Variants in GABBR2 observed in about 807,000 individuals in gnomAD.
GABBR2 encodes the protein gamma-aminobutyric acid type B receptor subunit 2.
A neutral mutation model predicts 105.6 loss-of-function variants in GABBR2; 23 were observed. The observed-to-expected ratio is 0.22, with a 90% CI of 0.16 to 0.31. GABBR2 has a LOEUF of 0.31. Ranked by LOEUF, GABBR2 falls within the 10% of genes least tolerant of loss-of-function variation. The pLI, the probability that GABBR2 is intolerant of heterozygous loss-of-function variation, is 1.00. For missense variants in GABBR2, 734 were observed against 1,245.5 expected (o/e 0.59, Z 6.18); for synonymous variants, 478 against 499.7 (o/e 0.96, Z 0.58).
intron 1 of GABBR2, among the ~76,000 whole-genome samples, chr9:98,642,652 T>C (rs1204434392): frequency 6.6e-6 from 1 of 152,238 alleles, no homozygotes; most frequent in African/African-American, 2.4e-5. Flanking sequence ...CATATTATTT[T>C]AGCACATCTT....
At chr9:98,631,971 C>T (rs1257406597) in intron 1 of GABBR2, among the ~76,000 whole-genome samples, 1 of 152,176 alleles carries the variant, frequency 6.6e-6, no homozygotes, top group African/African-American at 2.4e-5. Flanking sequence ...CTGAATTAGC[C>T]TGGACAAGAG....
intron 1 of GABBR2, among the ~76,000 whole-genome samples, chr9:98,650,139 AT>A (rs1365464514): frequency 1.3e-5 from 2 of 152,074 alleles, no homozygotes; most frequent in Non-Finnish European, 2.9e-5. Flanking sequence ...TTTTTAAAAA[AT>A]TTTTCATGTG....
At chr9:98,412,070 T>C (rs915468799) in intron 7 of GABBR2, among the ~76,000 whole-genome samples, 107 of 152,258 alleles carry the variant, frequency 7.0e-4, no homozygotes, top group Admixed American at 2.0e-3. Flanking sequence ...ATGAGTCTTA[T>C]AGGTTAAGCC....
intron 1 of GABBR2, among the ~76,000 whole-genome samples, chr9:98,593,352 C>T (rs964419626): frequency 1.3e-5 from 2 of 152,142 alleles, no homozygotes; most frequent in Non-Finnish European, 2.9e-5. Context: ...CCCTGGCAGC[C>T]ACTTGAAGGT....
chr9:98,512,169 T>C lies in GABBR2; in HGVS notation c.631-15655A>G, dbSNP rs1324707220. Among the ~76,000 whole-genome samples, 3 of 145,936 alleles carry C rather than the reference T, an allele frequency of 2.1e-5. No homozygotes were observed. The South Asian group carries it at 7.0e-4, about 34-fold the overall frequency. ...CAAAGACAAAAACCACATGATTATC[T>C]CAATAGATGCAGAAAAGGCCTTTGA... On this transcript the variant is annotated intron_variant, in intron 3 of 18. Transcript: ENST00000259455.
chr9:98,542,239 G>T (rs545725425), intron 2 of GABBR2, among the ~76,000 whole-genome samples, 196 bp from the exon 3 acceptor site: 2 of 152,166 alleles, frequency 1.3e-5, no homozygotes, highest in East Asian at 1.9e-4. Flanking sequence ...AAAATAAGGA[G>T]GAAGAAGGGA....
chr9:98,597,775 G>A (rs1397264709), intron 1 of GABBR2, among the ~76,000 whole-genome samples: 1 of 152,190 alleles, frequency 6.6e-6, no homozygotes, highest in Non-Finnish European at 1.5e-5. Context: ...ATTGGGAAGA[G>A]CAGGGAAGAG....
chr9:98,558,130 GA>G (rs201832262), intron 2 of GABBR2, among the ~76,000 whole-genome samples: 1 of 150,394 alleles, frequency 6.6e-6, no homozygotes, highest in Admixed American at 6.6e-5. Flanking sequence ...CAGCTACATA[GA>G]AAAAAAAACA....
In GABBR2 at chr9:98,349,344, G is replaced by GTTTT. The variant is rs1564026872; in HGVS notation, c.1893+13367_1893+13370dup. 4.2e-3 allele frequency among the ~76,000 whole-genome samples: 445 copies of GTTTT among 105,458 alleles called. 79 individuals are homozygous for GTTTT. Among genetic ancestry groups the GTTTT allele is most frequent in the Middle Eastern group, 0.011 (2 of 188 alleles). The allele number at this position is 105,458 out of a possible 152,430, so 69.2% of individuals were successfully genotyped here. ...TTTGGTTTGCCAATATTTTGTTGAA[G>GTTTT]TTTTGTTTTTTTTTTTTTTTTTTTT... is the stretch of plus-strand genomic sequence containing the variant. On this transcript the variant is annotated intron_variant, in intron 13 of 18. Transcript: ENST00000259455.
At chr9:98,661,264 T>C (rs1408016728) in intron 1 of GABBR2, among the ~76,000 whole-genome samples, 2 of 152,192 alleles carry the variant, frequency 1.3e-5, no homozygotes, top group African/African-American at 4.8e-5. Context: ...AAGGCAACAT[T>C]CACAGGATCC....
intron 1 of GABBR2, among the ~76,000 whole-genome samples, chr9:98,639,369 T>C (rs1235800610): frequency 2.0e-5 from 3 of 152,174 alleles, no homozygotes; most frequent in African/African-American, 7.2e-5. Context: ...CCACCTTGCA[T>C]GTTTGGGTTG....
At chr9:98,371,361 G>C in intron 12 of GABBR2, 103 bp downstream of exon 12, 2 of 686,522 alleles carry the variant, frequency 2.9e-6, no homozygotes, top group Non-Finnish European at 5.2e-6. Context: ...TGTTTAGCTT[G>C]GATCCCCAGC....
At chr9:98,616,570 A>G (rs1408864864) in intron 1 of GABBR2, among the ~76,000 whole-genome samples, 4 of 152,180 alleles carry the variant, frequency 2.6e-5, no homozygotes. Flanking sequence ...CCTGGCCAAC[A>G]TGGTGAAACC....
intron 8 of GABBR2, among the ~76,000 whole-genome samples, chr9:98,400,417 C>T (rs1393014247): frequency 1.3e-5 from 2 of 152,192 alleles, no homozygotes; most frequent in Non-Finnish European, 2.9e-5. Flanking sequence ...CAGGAATCCT[C>T]TGCCAGTGGG....
At chr9:98,513,767 G>C (rs139458818) in intron 3 of GABBR2, among the ~76,000 whole-genome samples, 52,568 of 151,806 alleles carry the variant, frequency 0.35, 9,345 homozygotes, top group Middle Eastern at 0.5. Context: ...ACAGGTGCTG[G>C]AGAGGATGTG....
chr9:98,385,590 A>C (rs771327929), intron 11 of GABBR2, 50 bp downstream of exon 11: 1 of 1,532,846 alleles, frequency 6.5e-7, no homozygotes. Flanking sequence ...GACTGAGGTC[A>C]CCAAGGAAAC....
At chr9:98,531,360 G>A (rs983133496) in intron 3 of GABBR2, among the ~76,000 whole-genome samples, 6 of 152,170 alleles carry the variant, frequency 3.9e-5, no homozygotes, top group African/African-American at 1.4e-4. Flanking sequence ...AACCAAAAAT[G>A]GGACAGCCAT....
chr9:98,301,946 A>T (rs1830476503), intron 16 of GABBR2, among the ~76,000 whole-genome samples: 1 of 152,218 alleles, frequency 6.6e-6, no homozygotes, highest in Non-Finnish European at 1.5e-5. Context: ...AGCCCCCCAA[A>T]GGGCGGCCAG....
In GABBR2 at chr9:98,699,378, C is replaced by T. The variant is rs183805707; in HGVS notation, c.321+9039G>A. On this transcript the variant is annotated intron_variant, in intron 1 of 18. Transcript: ENST00000259455. ...TTTTACACCACAACTACAGAGCCCCCAAAAGCACTAAATAATAAGAACCCG... is the reference window on the plus strand; with the variant it reads ...TTTTACACCACAACTACAGAGCCCCTAAAAGCACTAAATAATAAGAACCCG... 6.3e-4 allele frequency among the ~76,000 whole-genome samples: 95 copies of T among 151,890 alleles called. 1 individual carries two copies. Among genetic ancestry groups the T allele is most frequent in the African/African-American group, 2.3e-3 (94 of 41,310 alleles).
Sources: gnomAD v4.1 joint callset for allele counts (sites outside exome capture counted in the v4.1 genomes callset) on GRCh38, gnomAD v4.1.1 for gene constraint, MANE v1.5 for transcripts, NCBI Gene and HGNC (gene_info 2026-07-23, HGNC 2026-07-21) for gene names.